CREB1: variants seen among roughly 807,000 people sequenced by gnomAD.
CREB1 encodes cyclic AMP-responsive element-binding protein 1.
CREB1 carries 2 observed loss-of-function variants against 42.0 expected under a neutral mutation model. That is an observed-to-expected ratio of 0.05 (90% CI 0.02 to 0.15). The LOEUF (loss-of-function observed/expected upper bound fraction) is 0.15. Ranked by LOEUF, CREB1 falls within the 10% of genes least tolerant of loss-of-function variation. The probability of loss-of-function intolerance (pLI) is 1.00; values close to 1 mark genes in which losing one functional copy is unlikely to be tolerated. For synonymous variants in CREB1, 123 were observed against 139.9 expected, an observed-to-expected ratio of 0.88 and a Z score of 0.85; for missense variants, 199 against 388.9, an observed-to-expected ratio of 0.51 and a Z score of 4.11.
At chr2:207,585,989 G>A (rs6729764) in intron 7 of CREB1, among the ~76,000 whole-genome samples, 2,058 of 152,224 alleles carry the variant, frequency 0.014, 43 homozygotes, top group African/African-American at 0.047. Flanking sequence ...TGTCTTGAGA[G>A]AGAGATATAT....
intron 1 of CREB1, among the ~76,000 whole-genome samples, chr2:207,553,639 A>G (rs1041163973): frequency 4.6e-5 from 7 of 152,216 alleles, no homozygotes; most frequent in Non-Finnish European, 8.8e-5. Flanking sequence ...TCTCAAAATC[A>G]TGATTAAAGT....
chr2:207,534,327 C>T (rs1478864728), intron 1 of CREB1, among the ~76,000 whole-genome samples: 3 of 152,154 alleles, frequency 2.0e-5, no homozygotes, highest in Admixed American at 2.0e-4. Flanking sequence ...ACCTCTGCTT[C>T]CTGGATTCAA....
At chr2:207,572,163 T>C (rs572896481) in intron 5 of CREB1, among the ~76,000 whole-genome samples, 102 of 140,974 alleles carry the variant, frequency 7.2e-4, no homozygotes, top group Non-Finnish European at 1.1e-3. Context: ...GAGGCGGAGC[T>C]GGCAGTGAGC....
chr2:207,553,638 C>T (rs2081603292), intron 1 of CREB1, among the ~76,000 whole-genome samples: 1 of 152,120 alleles, frequency 6.6e-6, no homozygotes, highest in African/African-American at 2.4e-5. Context: ...ATCTCAAAAT[C>T]ATGATTAAAG....
chr2:207,534,456 T>G (rs535688171), intron 1 of CREB1: 5 of 152,142 alleles, frequency 3.3e-5, no homozygotes, highest in Admixed American at 6.5e-5. Context: ...AGGCTGGTCT[T>G]GAATGCCTGG....
chr2:207,562,381 G>C (rs1392025388), intron 3 of CREB1, among the ~76,000 whole-genome samples: 1 of 152,154 alleles, frequency 6.6e-6, no homozygotes, highest in Non-Finnish European at 1.5e-5. Context: ...ATTGTAATAT[G>C]TGTTATTGTT....
chr2:207,542,794 C>T (rs886680336), intron 1 of CREB1, among the ~76,000 whole-genome samples: 3 of 152,152 alleles, frequency 2.0e-5, no homozygotes, highest in Middle Eastern at 3.4e-3. Flanking sequence ...AACAAGATAC[C>T]ATTATTTAAT....
At chr2:207,589,710 G>A (rs1274921315) in intron 7 of CREB1, among the ~76,000 whole-genome samples, 1 of 152,140 alleles carries the variant, frequency 6.6e-6, no homozygotes, top group African/African-American at 2.4e-5. Context: ...AATCTACTGA[G>A]GTGATCGTGT....
intron 1 of CREB1, among the ~76,000 whole-genome samples, chr2:207,534,067 C>G (rs1473411612): frequency 1.3e-5 from 2 of 152,190 alleles, no homozygotes; most frequent in Non-Finnish European, 2.9e-5. Context: ...AACTTCCTAC[C>G]TGTGGGCCCT....
At chr2:207,533,806 CAG>C (rs1212197621) in intron 1 of CREB1, among the ~76,000 whole-genome samples, 2 of 152,142 alleles carry the variant, frequency 1.3e-5, no homozygotes, top group East Asian at 1.9e-4. Flanking sequence ...CTCACTGTGA[CAG>C]AGAATGTAGT....
At chr2:207,568,309 A>G (rs992724585) in intron 4 of CREB1, among the ~76,000 whole-genome samples, 22 of 152,212 alleles carry the variant, frequency 1.4e-4, no homozygotes, top group African/African-American at 4.8e-4. Flanking sequence ...TAAGAATCCT[A>G]AGTGACTAGC....
At chr2:207,592,019 A>C (rs1393500907) in intron 7 of CREB1, among the ~76,000 whole-genome samples, 1 of 152,214 alleles carries the variant, frequency 6.6e-6, no homozygotes, top group Non-Finnish European at 1.5e-5. Flanking sequence ...TACATTTCTT[A>C]GAAAATAGAT....
At position 207,570,241 on chromosome 2, in the gene CREB1, C is replaced by T. The variant is rs1459143119; in HGVS notation, c.425C>T (p.Ser142Phe). ...GTGCCAAGGATTGAAGAAGAGAAGT[C>T]TGAAGAGGAGACTTCAGCACCTGCC... ...PGVPRIEEEK[S>F]EEETSAPAIT... Residue 142 changes from serine to phenylalanine, a missense_variant, in exon 5 of 8, where the codon TCT (serine) becomes TTT (phenylalanine). Ser to Phe is a radical substitution (Grantham distance 155). Around this residue, in one of 4 missense-constraint regions of CREB1, gnomAD observed 66 missense variants for 150.8 expected, o/e 0.44. Transcript: ENST00000353267. 6.2e-7 allele frequency: 1 copy of T among 1,613,796 alleles called. No individual in the cohort carries two copies. The highest frequency in any genetic ancestry group is 1.7e-5 in the Admixed American group (1 of 59,996).
rs1193519604 is a variant in CREB1 at position 207,603,785 on chromosome 2, T to A, written c.*6727T>A. Among the ~76,000 whole-genome samples, 2 of 152,172 alleles carry A rather than the reference T, an allele frequency of 1.3e-5. No homozygotes were observed. The highest frequency in any genetic ancestry group is 6.5e-5 in the Admixed American group (1 of 15,276). On this transcript the variant is annotated 3_prime_UTR_variant, in exon 8 of 8. Coordinates refer to ENST00000353267, the MANE Select transcript of CREB1 (RefSeq NM_004379.5). The stretch of plus-strand genomic sequence containing the variant: ...TCAGGTCCCCTTGCAATTCTAAAAC[T>A]CTGTGATCATATAAATTGGAAGGAA...
intron 1 of CREB1, among the ~76,000 whole-genome samples, chr2:207,538,578 A>T (rs939975100): frequency 3.3e-5 from 5 of 152,174 alleles, no homozygotes; most frequent in Non-Finnish European, 2.9e-5. Flanking sequence ...AAATAATCTT[A>T]AAAGGGGCGA....
intron 7 of CREB1, among the ~76,000 whole-genome samples, chr2:207,579,905 T>G (rs1284320415): frequency 2.0e-5 from 3 of 152,210 alleles, no homozygotes; most frequent in African/African-American, 7.2e-5. Context: ...GACTTCTCAT[T>G]ACTCTAAACT....
intron 3 of CREB1, among the ~76,000 whole-genome samples, chr2:207,564,010 A>G (rs78904750): frequency 0.038 from 5,771 of 152,202 alleles, 148 homozygotes; most frequent in African/African-American, 0.062. Flanking sequence ...CCTGAAAAAT[A>G]ATATTATTTA....
At chr2:207,564,079 T>G (rs910524477) in intron 3 of CREB1, among the ~76,000 whole-genome samples, 30 of 152,224 alleles carry the variant, frequency 2.0e-4, no homozygotes, top group African/African-American at 7.2e-4. Context: ...TTAAGAACTC[T>G]TGTTTTATAA....
At position 207,567,444 on chromosome 2, in the gene CREB1, A is replaced by G. The variant is rs777414301; in HGVS notation, c.262-19A>G. On this transcript the variant is annotated intron_variant, in intron 3 of 7. Coordinates refer to ENST00000353267, the MANE Select transcript of CREB1 (RefSeq NM_004379.5). ...GAACTAAATTTGATTATCAATATGA[A>G]GTTTTTCTTTAATTTCAGATTTCAA... is the stretch of plus-strand genomic sequence containing the variant. 7.1e-6 allele frequency: 11 copies of G among 1,556,028 alleles called. No individual in the cohort carries two copies. The South Asian group carries it at 1.3e-4, about 18-fold the overall frequency.
Sources: allele counts gnomAD v4.1 joint callset (sites outside exome capture counted in the v4.1 genomes callset), GRCh38; gene constraint gnomAD v4.1.1; regional missense constraint gnomAD v4.1.1; transcripts MANE v1.5; gene names NCBI Gene and HGNC (gene_info 2026-07-23, HGNC 2026-07-21).